Variants in NEBL observed in about 807,000 individuals in gnomAD.
The protein encoded by NEBL is nebulette.
A neutral mutation model predicts 140.2 loss-of-function variants in NEBL; 122 were observed. That is an observed-to-expected ratio of 0.87 (90% CI 0.75 to 1.01). The LOEUF is 1.01. NEBL is among the 50% of genes least tolerant of loss of function. NEBL has a pLI of 0.00. For missense variants in NEBL, 1,365 were observed against 1,231.3 expected, an observed-to-expected ratio of 1.11 and a Z score of -1.62; for synonymous variants, 436 against 398.9, an observed-to-expected ratio of 1.09 and a Z score of -1.11.
intron 2 of NEBL, among the ~76,000 whole-genome samples, chr10:21,152,961 T>A (rs1465030610): frequency 6.6e-6 from 1 of 152,178 alleles, no homozygotes; most frequent in African/African-American, 2.4e-5. Context: ...AAAGTCTTGG[T>A]CTCCTTGGTC....
chr10:21,065,070 C>A (rs963115811), intron 2 of NEBL, among the ~76,000 whole-genome samples: 2 of 152,052 alleles, frequency 1.3e-5, no homozygotes, highest in African/African-American at 4.8e-5. Flanking sequence ...GCATCGTGAC[C>A]TTTTACTGAA....
intron 3 of NEBL, among the ~76,000 whole-genome samples, chr10:20,962,871 A>T (rs1836114556): frequency 6.6e-6 from 1 of 152,102 alleles, no homozygotes; most frequent in Admixed American, 6.6e-5. Flanking sequence ...AAGGTAGAAA[A>T]GTTCACTTCG....
chr10:20,831,612 C>T (rs1254064806), intron 14 of NEBL, 29 bp from the exon 15 acceptor site: 4 of 1,426,438 alleles, frequency 2.8e-6, no homozygotes, highest in South Asian at 1.1e-5. Context: ...ACAGTTAGTG[C>T]TCTCCAATCA....
intron 7 of NEBL, among the ~76,000 whole-genome samples, chr10:20,863,325 C>A (rs954021421): frequency 9.9e-5 from 15 of 152,060 alleles, no homozygotes; most frequent in African/African-American, 3.4e-4. Context: ...AAAAGCAGAC[C>A]CTGAATGAAG....
intron 3 of NEBL, among the ~76,000 whole-genome samples, chr10:21,214,452 T>G (rs1427947818): frequency 6.6e-6 from 1 of 151,778 alleles, no homozygotes; most frequent in Non-Finnish European, 1.5e-5. Context: ...CATACACACA[T>G]GGCACACACA....
At chr10:21,162,006 A>T (rs1840578360) in intron 2 of NEBL, among the ~76,000 whole-genome samples, 1 of 152,210 alleles carries the variant, frequency 6.6e-6, no homozygotes, top group South Asian at 2.1e-4. Context: ...GCCGGATGAG[A>T]TCAGCTGACC....
At chr10:20,789,269 A>C (rs1473937753) in intron 26 of NEBL, among the ~76,000 whole-genome samples, 1 of 152,236 alleles carries the variant, frequency 6.6e-6, no homozygotes, top group Non-Finnish European at 1.5e-5. Flanking sequence ...GAAAGATTAA[A>C]TATAAACATC....
At position 21,184,229 on chromosome 10, in the gene NEBL, G is replaced by T. The variant is rs529829395; in HGVS notation, n.349-11752C>A. Among the ~76,000 whole-genome samples, 3 of 152,240 alleles carry T rather than the reference G, an allele frequency of 2.0e-5. No individual in the cohort carries two copies. The South Asian group carries it at 6.2e-4, about 32-fold the overall frequency. ...CTGATCATTTTCCAGTGAAATATGGGTGCAAGCTTGTCCAAAGGTGTTTTC... is the reference window on the plus strand; with the variant it reads ...CTGATCATTTTCCAGTGAAATATGGTTGCAAGCTTGTCCAAAGGTGTTTTC... On this transcript the variant is annotated intron_variant and non_coding_transcript_variant, in intron 3 of 8. Coordinates refer to the NEBL transcript ENST00000675702.
chr10:20,833,441 C>T (rs938401698), intron 14 of NEBL, among the ~76,000 whole-genome samples: 6 of 152,098 alleles, frequency 3.9e-5, no homozygotes, highest in Admixed American at 3.9e-4. Context: ...GTCATTTAGG[C>T]AAAATGGGAC....
rs751164959 is a variant in NEBL at position 20,781,006 on chromosome 10, G to A, written c.*4741C>T. The A allele has an allele frequency of 3.3e-5, 5 of 152,362 alleles. No individual in the cohort carries two copies. In the East Asian group the frequency reaches 9.6e-4, roughly 29 times the overall value. 9.4% of individuals were successfully genotyped at this position (152,362 alleles called of 1,614,324 possible). ...TTTCAATGCTGTTGTACATTATGCA[G>A]GGGAAATAATGTCTTATTACACATT... On this transcript the variant is annotated 3_prime_UTR_variant, in exon 28 of 28. Coordinates refer to ENST00000377122, the MANE Select transcript of NEBL (RefSeq NM_006393.3).
At chr10:20,851,444 G>C (rs1842502489) in intron 10 of NEBL, among the ~76,000 whole-genome samples, 1 of 151,960 alleles carries the variant, frequency 6.6e-6, no homozygotes, top group Non-Finnish European at 1.5e-5. Context: ...AATCAATAAA[G>C]TATCGGGAAG....
At chr10:21,022,461 C>A (rs1245162165) in intron 2 of NEBL, among the ~76,000 whole-genome samples, 1 of 152,164 alleles carries the variant, frequency 6.6e-6, no homozygotes. Flanking sequence ...GAGTCAGATT[C>A]GTGGTAGGAA....
At chr10:20,940,854 T>G (rs1445731552) in intron 4 of NEBL, among the ~76,000 whole-genome samples, 1 of 152,182 alleles carries the variant, frequency 6.6e-6, no homozygotes, top group Non-Finnish European at 1.5e-5. Context: ...GATAAATTCC[T>G]CAACACATAC....
intron 2 of NEBL, among the ~76,000 whole-genome samples, chr10:21,139,577 T>G (rs1564524734): frequency 6.6e-6 from 1 of 152,172 alleles, no homozygotes; most frequent in Non-Finnish European, 1.5e-5. Context: ...TGAAATGGAT[T>G]TATCTGTCCA....
At chr10:21,107,264 T>A (rs1332697300) in intron 2 of NEBL, among the ~76,000 whole-genome samples, 2 of 152,320 alleles carry the variant, frequency 1.3e-5, no homozygotes, top group Non-Finnish European at 2.9e-5. Context: ...TTGTGACGGT[T>A]TTCAAAGGGT....
intron 2 of NEBL, chr10:21,029,017 A>G (rs1180395718): frequency 4.0e-6 from 3 of 741,680 alleles, no homozygotes; most frequent in South Asian, 3.6e-5. Flanking sequence ...CTCAGCAAAA[A>G]AGACGAATAA....
intron 2 of NEBL, among the ~76,000 whole-genome samples, chr10:21,115,054 A>G (rs1589249293): frequency 6.6e-6 from 1 of 151,664 alleles, no homozygotes; most frequent in Non-Finnish European, 1.5e-5. Flanking sequence ...CTTATTAGCT[A>G]TATCTCTTTA....
chr10:20,923,788 G>A (rs1026607740), intron 4 of NEBL, among the ~76,000 whole-genome samples: 1 of 149,128 alleles, frequency 6.7e-6, no homozygotes, highest in Non-Finnish European at 1.5e-5. Flanking sequence ...CCCTTTGCAT[G>A]AGTACTGGCT....
At chr10:20,817,504 C>T (rs1838844041) in intron 21 of NEBL, 96 bp downstream of exon 21, 3 of 1,064,832 alleles carry the variant, frequency 2.8e-6, no homozygotes, top group East Asian at 4.8e-5. Context: ...AGGACATCAG[C>T]TCAAGGTTAT....
Sources: gnomAD v4.1 joint callset for allele counts (sites outside exome capture counted in the v4.1 genomes callset) on GRCh38, gnomAD v4.1.1 for gene constraint, MANE v1.5 for transcripts, NCBI Gene and HGNC (gene_info 2026-07-23, HGNC 2026-07-21) for gene names.